Variants in COBLL1 observed in about 807,000 individuals in gnomAD.
COBLL1 encodes cordon-bleu WH2 repeat protein like 1, also known as cordon-bleu protein-like 1.
In COBLL1, 50 loss-of-function variants were observed where a neutral mutation model predicts 94.8. The observed-to-expected ratio is 0.53, with a 90% CI of 0.42 to 0.67. COBLL1 has a LOEUF of 0.67. COBLL1 is among the 30% of genes least tolerant of loss of function. COBLL1 has a pLI of 0.00. For synonymous variants in COBLL1, 448 were observed against 473.8 expected (o/e 0.95, Z 0.71); for missense variants, 1,362 against 1,348.7 (o/e 1.01, Z -0.15).
In COBLL1 at chr2:164,684,978, T is replaced by A. The variant is rs959732257; in HGVS notation, c.*968A>T. The A allele has an allele frequency of 1.3e-5, 2 of 152,146 alleles. No individual in the cohort carries two copies. The highest frequency in any genetic ancestry group is 2.9e-5 in the Non-Finnish European group (2 of 68,006). The allele number at this position is 152,146 out of a possible 1,614,324, so 9.4% of individuals were successfully genotyped here. A position where few individuals can be genotyped will look rare whatever the true frequency, so the allele number is the denominator to read the frequency against. On this transcript the variant is annotated 3_prime_UTR_variant, in exon 14 of 14. Coordinates refer to ENST00000652658, the MANE Select transcript of COBLL1 (RefSeq NM_001365672.2). Reference sequence around the variant, plus strand: ...AATGGGCATTGTTTTGCTTAACAGTTTTAGCTTCAATGTAAATATATATTA... The same window carrying A: ...AATGGGCATTGTTTTGCTTAACAGTATTAGCTTCAATGTAAATATATATTA...
chr2:164,728,552 A>C (rs1323171601), intron 4 of COBLL1, among the ~76,000 whole-genome samples: 3 of 152,014 alleles, frequency 2.0e-5, no homozygotes, highest in Non-Finnish European at 4.4e-5. Flanking sequence ...AATTATGTAT[A>C]TTTTATCCTA....
At chr2:164,776,727 T>C (rs1465876003) in intron 2 of COBLL1, among the ~76,000 whole-genome samples, 2 of 152,076 alleles carry the variant, frequency 1.3e-5, no homozygotes, top group African/African-American at 4.8e-5. Context: ...GTCTTTGCTG[T>C]CAAATAAGTG....
At chr2:164,823,467 T>C (rs1488859624) in intron 2 of COBLL1, among the ~76,000 whole-genome samples, 1 of 152,152 alleles carries the variant, frequency 6.6e-6, no homozygotes, top group African/African-American at 2.4e-5. Context: ...TCAAGGAGAC[T>C]GCAAACTTCC....
At chr2:164,783,254 GA>G (rs796489648) in intron 2 of COBLL1, among the ~76,000 whole-genome samples, 198 of 151,354 alleles carry the variant, frequency 1.3e-3, no homozygotes, top group African/African-American at 4.5e-3. Flanking sequence ...ATAAATATTA[GA>G]AAAAAAAATT....
intron 2 of COBLL1, among the ~76,000 whole-genome samples, chr2:164,838,633 G>A (rs1433100146): frequency 6.6e-6 from 1 of 152,196 alleles, no homozygotes; most frequent in African/African-American, 2.4e-5. Context: ...CACACTCAGT[G>A]TTTCTGAGCT....
chr2:164,715,247 C>T lies in COBLL1; in HGVS notation c.996+6828G>A, dbSNP rs1574460576. ...GATTAAATATTATACTGTGTTGGTA[C>T]ATTTCTCTACTGAATGAAACCAGTC... On this transcript the variant is annotated intron_variant, in intron 7 of 13. Coordinates refer to ENST00000652658, the MANE Select transcript of COBLL1 (RefSeq NM_001365672.2). Among the ~76,000 whole-genome samples, 3 of 152,190 alleles carry T rather than the reference C, an allele frequency of 2.0e-5. No individual in the cohort carries two copies. The Middle Eastern group carries it at 0.01, about 518-fold the overall frequency.
At chr2:164,705,803 G>A (rs563415901) in intron 7 of COBLL1, among the ~76,000 whole-genome samples, 2 of 152,268 alleles carry the variant, frequency 1.3e-5, no homozygotes, top group East Asian at 3.9e-4. Flanking sequence ...GAAGGCCAAG[G>A]TGGGCAGACC....
At chr2:164,840,353 G>A (rs993674357) in intron 2 of COBLL1, among the ~76,000 whole-genome samples, 2 of 151,976 alleles carry the variant, frequency 1.3e-5, no homozygotes, top group Non-Finnish European at 2.9e-5. Flanking sequence ...TAGCATCCAG[G>A]TTACTCCTGA....
intron 1 of COBLL1, among the ~76,000 whole-genome samples, chr2:164,672,750 C>G (rs1691266451): frequency 6.7e-6 from 1 of 148,646 alleles, no homozygotes; most frequent in South Asian, 2.1e-4. Flanking sequence ...AAAAATGTCA[C>G]TATGAAATTC....
At chr2:164,833,371 T>C (rs1574672419) in intron 2 of COBLL1, among the ~76,000 whole-genome samples, 1 of 151,672 alleles carries the variant, frequency 6.6e-6, no homozygotes, top group Non-Finnish European at 1.5e-5. Flanking sequence ...AATAAATAAA[T>C]AGCTACAAGC....
chr2:164,725,725 G>A (rs1326125549), intron 5 of COBLL1, among the ~76,000 whole-genome samples: 1 of 152,094 alleles, frequency 6.6e-6, no homozygotes, highest in African/African-American at 2.4e-5. Context: ...GGCCCATATG[G>A]TTATTTTTGG....
In COBLL1 at chr2:164,743,733, C is replaced by A. The variant is rs751260393; in HGVS notation, c.184G>T (p.Val62Leu). ...NMIDKDVELSVVLPGDIIKST... is the reference protein window; with the variant it reads ...NMIDKDVELSLVLPGDIIKST... ...TTGATAATATCCCCAGGTAGGACCA[C>A]TGAGAGTTCAACGTCTTTATCTATC... The change falls in exon 3 of 14, where the codon GTG becomes TTG. Residue 62 changes from valine (V) to leucine (L), a missense_variant. Coordinates refer to ENST00000652658, the MANE Select transcript of COBLL1 (RefSeq NM_001365672.2). 10 of 1,613,524 alleles carry A rather than the reference C, an allele frequency of 6.2e-6. No homozygotes were observed. The African/African-American group carries it at 1.2e-4, about 19-fold the overall frequency.
chr2:164,806,813 C>T (rs771902717), intron 2 of COBLL1, among the ~76,000 whole-genome samples: 8 of 152,150 alleles, frequency 5.3e-5, no homozygotes, highest in East Asian at 1.9e-4. Flanking sequence ...CATCCTCCCA[C>T]CCCAGCCTCC....
At chr2:164,833,894 C>G (rs1023267106) in intron 2 of COBLL1, among the ~76,000 whole-genome samples, 3 of 152,160 alleles carry the variant, frequency 2.0e-5, no homozygotes, top group Admixed American at 1.3e-4. Flanking sequence ...TACCCATGCT[C>G]ACTCTATCAT....
In COBLL1 at chr2:164,835,919, T is replaced by C. The variant is rs1208483451; in HGVS notation, c.41+5237A>G. On this transcript the variant is annotated intron_variant, in intron 2 of 13. Transcript: ENST00000652658. ...CCAGTACCTAGAAAAATATGTTTTATATAAAGTAAGAGTTCAGGAGTTTTT... is the reference window on the plus strand; with the variant it reads ...CCAGTACCTAGAAAAATATGTTTTACATAAAGTAAGAGTTCAGGAGTTTTT... Among the ~76,000 whole-genome samples the C allele has an allele frequency of 4.6e-5, 7 of 152,156 alleles. No individual in the cohort carries two copies. In the East Asian group the frequency reaches 1.3e-3, roughly 29 times the overall value.
rs1213766276 is a variant in COBLL1 at position 164,687,538 on chromosome 2, C to G, written c.3301-1506G>C. 3.9e-6 allele frequency: 5 copies of G among 1,293,058 alleles called. No homozygotes were observed. In the African/African-American group the frequency reaches 5.6e-5, roughly 15 times the overall value. 80.1% of individuals were successfully genotyped at this position (1,293,058 alleles called of 1,614,324 possible). A position where few individuals can be genotyped will look rare whatever the true frequency, so the allele number is the denominator to read the frequency against. ...GGACATGGTAACTTGGCCAATGTGACCCCTGACCACAGTGCCCTGGGGTTT... is the reference window on the plus strand; with the variant it reads ...GGACATGGTAACTTGGCCAATGTGAGCCCTGACCACAGTGCCCTGGGGTTT... On this transcript the variant is annotated intron_variant, in intron 13 of 13. Coordinates refer to ENST00000652658, the MANE Select transcript of COBLL1 (RefSeq NM_001365672.2).
At chr2:164,659,099 T>C (rs139130795) in intron 2 of COBLL1, among the ~76,000 whole-genome samples, 2,117 of 152,296 alleles carry the variant, frequency 0.014, 41 homozygotes, top group African/African-American at 0.049. Context: ...TATTGCTGCA[T>C]GGGCATGGAG....
intron 11 of COBLL1, chr2:164,698,050 AGTC>A (rs1684044828): frequency 6.6e-6 from 1 of 152,094 alleles, no homozygotes; most frequent in South Asian, 2.1e-4. Flanking sequence ...AGTTGACAAA[AGTC>A]GTAGCAAAAC....
At chr2:164,796,345 G>A (rs1294807839) in intron 2 of COBLL1, among the ~76,000 whole-genome samples, 3 of 151,996 alleles carry the variant, frequency 2.0e-5, no homozygotes, top group Admixed American at 1.3e-4. Flanking sequence ...ATGTGAGAAT[G>A]GACATAACTA....
Sources: gnomAD v4.1 joint callset for allele counts (sites outside exome capture counted in the v4.1 genomes callset) on GRCh38, gnomAD v4.1.1 for gene constraint, MANE v1.5 for transcripts, NCBI Gene and HGNC (gene_info 2026-07-23, HGNC 2026-07-21) for gene names.